PDS5A: variants seen among roughly 807,000 people sequenced by gnomAD.
PDS5A encodes the protein sister chromatid cohesion protein PDS5 homolog A.
Under a neutral mutation model 167.1 loss-of-function variants are expected in PDS5A, and 42 were observed. The ratio of observed to expected loss-of-function variants is 0.25; its 90% CI spans 0.20 to 0.33. The LOEUF (loss-of-function observed/expected upper bound fraction) is 0.33. PDS5A is among the 10% of genes least tolerant of loss of function. The pLI is 1.00. For synonymous variants in PDS5A, 553 were observed against 554.6 expected, an observed-to-expected ratio of 1.00 and a Z score of 0.04; for missense variants, 1,033 against 1,605.9, an observed-to-expected ratio of 0.64 and a Z score of 6.10.
intron 2 of PDS5A, among the ~76,000 whole-genome samples, chr4:39,931,398 T>C (rs765553844): frequency 3.0e-4 from 46 of 152,130 alleles, no homozygotes; most frequent in Non-Finnish European, 5.4e-4. Context: ...TCATATGTGG[T>C]TGAAGAATTG....
chr4:39,936,080 T>G (rs1246026502), intron 2 of PDS5A, among the ~76,000 whole-genome samples: 1 of 152,180 alleles, frequency 6.6e-6, no homozygotes, highest in Non-Finnish European at 1.5e-5. Context: ...CAGAGAGGAC[T>G]AAAAAGCAAA....
chr4:39,954,690 A>C (rs1267856507), intron 2 of PDS5A, among the ~76,000 whole-genome samples: 6 of 151,344 alleles, frequency 4.0e-5, no homozygotes, highest in Non-Finnish European at 4.4e-5. Flanking sequence ...AAAAAAAAAA[A>C]AAAAAAACAG....
chr4:39,864,764 G>C (rs1183526460), intron 23 of PDS5A, among the ~76,000 whole-genome samples: 2 of 152,168 alleles, frequency 1.3e-5, no homozygotes, highest in Admixed American at 6.5e-5. Flanking sequence ...AGGCAGGTGT[G>C]AAAAACACTT....
intron 2 of PDS5A, among the ~76,000 whole-genome samples, chr4:39,937,229 C>G (rs1332808758): frequency 6.6e-6 from 1 of 152,142 alleles, no homozygotes; most frequent in Non-Finnish European, 1.5e-5. Flanking sequence ...TCTAGTGGCA[C>G]TGCCAGGAGC....
chr4:39,866,499 G>A (rs78048547), intron 23 of PDS5A, among the ~76,000 whole-genome samples: 4,482 of 152,240 alleles, frequency 0.029, 206 homozygotes, highest in African/African-American at 0.1. Context: ...CTCTTTGAAG[G>A]CAGGGACTTT....
At chr4:39,930,491 A>C (rs952665362) in intron 2 of PDS5A, among the ~76,000 whole-genome samples, 7 of 151,958 alleles carry the variant, frequency 4.6e-5, no homozygotes, top group African/African-American at 1.7e-4. Context: ...TTTTAATTCA[A>C]GTTTGCATTC....
At chr4:39,957,936 A>G (rs1729116209) in intron 2 of PDS5A, among the ~76,000 whole-genome samples, 2 of 151,908 alleles carry the variant, frequency 1.3e-5, no homozygotes, top group South Asian at 4.2e-4. Context: ...TGGGTGGATC[A>G]CCTGAGGTCA....
At chr4:39,922,812 A>G (rs958087953) in intron 5 of PDS5A, 64 bp from the exon 6 acceptor site, 49 of 1,357,200 alleles carry the variant, frequency 3.6e-5, no homozygotes, top group Non-Finnish European at 4.5e-5. Flanking sequence ...TCAAGCTTCT[A>G]ATAGGAAATT....
chr4:39,900,592 T>G, intron 13 of PDS5A, 85 bp from the exon 14 acceptor site: 1 of 795,572 alleles, frequency 1.3e-6, no homozygotes, highest in Non-Finnish European at 2.1e-6. Flanking sequence ...TTGCATGCTG[T>G]ATATACACCA....
intron 2 of PDS5A, among the ~76,000 whole-genome samples, chr4:39,950,406 G>A (rs1353979008): frequency 1.3e-5 from 2 of 151,770 alleles, no homozygotes; most frequent in African/African-American, 4.8e-5. Context: ...TTCAGCCTGG[G>A]TGACAGAGCA....
At chr4:39,864,195 A>C (rs544157552) in intron 23 of PDS5A, among the ~76,000 whole-genome samples, 10 of 152,142 alleles carry the variant, frequency 6.6e-5, no homozygotes, top group Non-Finnish European at 1.3e-4. Context: ...AAGAATTAAA[A>C]AAAAAATCAC....
intron 2 of PDS5A, among the ~76,000 whole-genome samples, chr4:39,937,060 C>G (rs1012326881): frequency 7.9e-5 from 12 of 152,320 alleles, no homozygotes; most frequent in East Asian, 1.9e-4. Context: ...TCACCAACCA[C>G]TAACCTCCCC....
At chr4:39,861,740 G>C (rs1719020992) in intron 26 of PDS5A, among the ~76,000 whole-genome samples, 1 of 152,082 alleles carries the variant, frequency 6.6e-6, no homozygotes, top group South Asian at 2.1e-4. Flanking sequence ...ATTACACATT[G>C]TATGCATGTA....
At chr4:39,863,900 G>A (rs1719209211) in intron 23 of PDS5A, among the ~76,000 whole-genome samples, 1 of 152,156 alleles carries the variant, frequency 6.6e-6, no homozygotes, top group Non-Finnish European at 1.5e-5. Context: ...GGAGGCCGAG[G>A]TGGACGGATC....
intron 16 of PDS5A, among the ~76,000 whole-genome samples, chr4:39,891,989 G>C (rs1051479813): frequency 1.6e-4 from 24 of 151,826 alleles, no homozygotes; most frequent in African/African-American, 5.1e-4. Flanking sequence ...TGCATGCCTG[G>C]GGTCCCAGCT....
chr4:39,967,374 G>A (rs773988356), intron 2 of PDS5A, among the ~76,000 whole-genome samples: 1 of 152,012 alleles, frequency 6.6e-6, no homozygotes, highest in African/African-American at 2.4e-5. Context: ...AATGCCTGGC[G>A]TGGTGGCTTA....
chr4:39,962,234 T>G (rs1384993987), intron 2 of PDS5A, among the ~76,000 whole-genome samples: 1 of 152,000 alleles, frequency 6.6e-6, no homozygotes, highest in Non-Finnish European at 1.5e-5. Context: ...ATTTTTGTAT[T>G]TTTAGTAGAG....
At chr4:39,973,284 T>A (rs1313576113) in intron 2 of PDS5A, 2 of 1,603,502 alleles carry the variant, frequency 1.2e-6, no homozygotes, top group Non-Finnish European at 1.7e-6. Flanking sequence ...GAGGGGCAGA[T>A]GCCAACATGG....
intron 19 of PDS5A, among the ~76,000 whole-genome samples, chr4:39,876,289 A>G (rs1720457244): frequency 6.6e-6 from 1 of 152,198 alleles, no homozygotes; most frequent in South Asian, 2.1e-4. Flanking sequence ...ACTTTTTATT[A>G]TTAGCCAGAA....
Sources: allele counts gnomAD v4.1 joint callset (sites outside exome capture counted in the v4.1 genomes callset), GRCh38; gene constraint gnomAD v4.1.1; transcripts MANE v1.5; gene names NCBI Gene and HGNC (gene_info 2026-07-23, HGNC 2026-07-21).